CCDC146: variants seen among roughly 807,000 people sequenced by gnomAD.
The protein encoded by CCDC146 is coiled-coil domain-containing protein 146.
CCDC146 carries 92 observed loss-of-function variants against 119.3 expected under a neutral mutation model. That is an observed-to-expected ratio of 0.77 (90% CI 0.65 to 0.92). CCDC146 has a LOEUF of 0.92. Among genes scored for constraint, CCDC146 ranks in the 40% least tolerant of loss-of-function variants. The probability of loss-of-function intolerance (pLI) is 0.00; values close to 1 mark genes in which losing one functional copy is unlikely to be tolerated. For missense variants in CCDC146, 1,000 were observed against 1,103.0 expected, an observed-to-expected ratio of 0.91 and a Z score of 1.32; for synonymous variants, 372 against 371.8, an observed-to-expected ratio of 1.00 and a Z score of -0.01.
chr7:77,222,072 C>G (rs1005363248), intron 2 of CCDC146, among the ~76,000 whole-genome samples: 5 of 152,184 alleles, frequency 3.3e-5, no homozygotes, highest in Non-Finnish European at 5.9e-5. Flanking sequence ...AATAATTTAA[C>G]AGAGTAGACT....
intron 1 of CCDC146, among the ~76,000 whole-genome samples, chr7:77,148,008 G>T (rs1791049883): frequency 6.6e-6 from 1 of 152,214 alleles, no homozygotes; most frequent in Non-Finnish European, 1.5e-5. Context: ...GCCCCTAGAG[G>T]TGGAGCCTAC....
At chr7:77,133,651 C>G (rs1790818190) in intron 1 of CCDC146, among the ~76,000 whole-genome samples, 1 of 105,672 alleles carries the variant, frequency 9.5e-6, no homozygotes, top group Admixed American at 9.5e-5. Context: ...GCCTGGAACA[C>G]CTTTTTTTTT....
In CCDC146 at chr7:77,276,983, A is replaced by G. The variant is rs188224306; in HGVS notation, c.1441-1769A>G. Among the ~76,000 whole-genome samples the G allele has an allele frequency of 1.1e-3, 164 of 152,308 alleles. 1 individual carries two copies. The highest frequency in any genetic ancestry group is 3.8e-3 in the African/African-American group (156 of 41,554). On this transcript the variant is annotated intron_variant, in intron 11 of 18. Transcript: ENST00000285871. The stretch of plus-strand genomic sequence containing the variant: ...GCTACTCAGGAGGCAGAGGCATGAG[A>G]ATCGCTTGAACCCAGGAGGCGGAGG...
chr7:77,134,876 T>C (rs1284202891), intron 1 of CCDC146, among the ~76,000 whole-genome samples: 5 of 152,166 alleles, frequency 3.3e-5, no homozygotes, highest in Admixed American at 1.3e-4. Flanking sequence ...ATACAAATTA[T>C]TGCAAAATAA....
intron 2 of CCDC146, among the ~76,000 whole-genome samples, chr7:77,185,515 C>T (rs1196713953): frequency 6.6e-6 from 1 of 152,172 alleles, no homozygotes; most frequent in Non-Finnish European, 1.5e-5. Context: ...AGTGAGTCTG[C>T]AAGAACCACA....
At chr7:77,187,256 G>T (rs950921488) in intron 2 of CCDC146, among the ~76,000 whole-genome samples, 2 of 152,198 alleles carry the variant, frequency 1.3e-5, no homozygotes, top group African/African-American at 4.8e-5. Flanking sequence ...GGACTGAGTA[G>T]AGGTTACTTC....
rs1328713101 is a variant in CCDC146, at chr7:77,294,943, G to A, written c.*77G>A. On this transcript the variant is annotated 3_prime_UTR_variant, in exon 19 of 19. Coordinates refer to ENST00000285871, the MANE Select transcript of CCDC146 (RefSeq NM_020879.3). The stretch of plus-strand genomic sequence containing the variant: ...TTGTACCCACAGGTGAAAAATGTGA[G>A]CATAATACTTCTAATATTATTGATA... 8.9e-7 allele frequency: 1 copy of A among 1,129,716 alleles called. No individual in the cohort carries two copies. Among genetic ancestry groups the A allele is most frequent in the African/African-American group, 1.6e-5 (1 of 63,986 alleles). 70.0% of individuals were successfully genotyped at this position (1,129,716 alleles called of 1,614,324 possible). A position where few individuals can be genotyped will look rare whatever the true frequency, so the allele number is the denominator to read the frequency against.
chr7:77,171,442 A>T (rs370247354), intron 2 of CCDC146, among the ~76,000 whole-genome samples: 1 of 152,200 alleles, frequency 6.6e-6, no homozygotes, highest in African/African-American at 2.4e-5. Context: ...AGAAGACCGG[A>T]GGGATAATAC....
intron 2 of CCDC146, among the ~76,000 whole-genome samples, chr7:77,222,518 T>C (rs1176356146): frequency 6.6e-6 from 1 of 152,092 alleles, no homozygotes; most frequent in Admixed American, 6.6e-5. Flanking sequence ...TCTCAGCACA[T>C]AAAAGGGGGC....
chr7:77,172,361 C>G (rs1791435634), intron 2 of CCDC146, among the ~76,000 whole-genome samples: 1 of 152,178 alleles, frequency 6.6e-6, no homozygotes, highest in Non-Finnish European at 1.5e-5. Flanking sequence ...TAAACAGAAA[C>G]TGTATCTGCA....
Position 77,215,900 on chromosome 7 carries a change from T to C in CCDC146, c.157-21047T>C, listed in dbSNP as rs1792293350. On this transcript the variant is annotated intron_variant, in intron 2 of 18. Transcript: ENST00000285871. ...TATTTTGATACATAGTTATATTCAA[T>C]TGGTTTATTTTTTTCAAATTCTAAT... 5.3e-5 allele frequency among the ~76,000 whole-genome samples: 8 copies of C among 152,220 alleles called. No homozygotes were observed. In the South Asian group the frequency reaches 1.7e-3, roughly 32 times the overall value.
intron 1 of CCDC146, among the ~76,000 whole-genome samples, chr7:77,137,912 T>C (rs909264616): frequency 1.3e-5 from 2 of 150,474 alleles, no homozygotes; most frequent in African/African-American, 2.5e-5. Flanking sequence ...AAAAGTGCAA[T>C]AGACTAGGGG....
At chr7:77,193,730 G>A (rs79313675) in intron 2 of CCDC146, 4,061 of 152,072 alleles carry the variant, frequency 0.027, 64 homozygotes, top group Non-Finnish European at 0.039. Flanking sequence ...GCTCCACCTG[G>A]AATTTCTAAG....
chr7:77,201,887 A>T (rs1029208261), intron 2 of CCDC146, among the ~76,000 whole-genome samples: 3 of 151,958 alleles, frequency 2.0e-5, no homozygotes, highest in African/African-American at 4.8e-5. Flanking sequence ...AGATAATTTT[A>T]AAAAGGAGAC....
At chr7:77,154,892 G>C (rs2117453282) in intron 1 of CCDC146, among the ~76,000 whole-genome samples, 1 of 152,086 alleles carries the variant, frequency 6.6e-6, no homozygotes, top group African/African-American at 2.4e-5. Flanking sequence ...GTCTTCCACA[G>C]TGGGACTTTT....
At chr7:77,214,209 G>A (rs1792256601) in intron 2 of CCDC146, among the ~76,000 whole-genome samples, 1 of 152,106 alleles carries the variant, frequency 6.6e-6, no homozygotes, top group African/African-American at 2.4e-5. Flanking sequence ...TTTATCTGAT[G>A]ATGACAAGCA....
intron 1 of CCDC146, among the ~76,000 whole-genome samples, chr7:77,123,788 G>T (rs1458991348): frequency 6.6e-6 from 1 of 152,134 alleles, no homozygotes; most frequent in African/African-American, 2.4e-5. Context: ...AAAATTCAGT[G>T]TTCTCTTAAG....
At chr7:77,139,160 T>G (rs2117412738) in intron 1 of CCDC146, among the ~76,000 whole-genome samples, 1 of 152,330 alleles carries the variant, frequency 6.6e-6, no homozygotes, top group East Asian at 1.9e-4. Context: ...ATCCAGATGA[T>G]GGAATATTAT....
Position 77,225,943 on chromosome 7 carries a change from CAA to C in CCDC146, c.157-10994_157-10993del, listed in dbSNP as rs11335340. 2.5e-4 allele frequency among the ~76,000 whole-genome samples: 38 copies of C among 149,472 alleles called. 1 individual carries two copies. Among genetic ancestry groups the C allele is most frequent in the African/African-American group, 2.0e-4 (8 of 40,688 alleles). On this transcript the variant is annotated intron_variant, in intron 2 of 18. Transcript: ENST00000285871. The stretch of plus-strand genomic sequence containing the variant: ...AGGCAACAAGAGCGAAACTTCATCT[CAA>C]AAAAAAAAAGGAAGGAGTAGAGATT...
Sources: gnomAD v4.1 joint callset for allele counts (sites outside exome capture counted in the v4.1 genomes callset) on GRCh38, gnomAD v4.1.1 for gene constraint, MANE v1.5 for transcripts, NCBI Gene and HGNC (gene_info 2026-07-23, HGNC 2026-07-21) for gene names.